IRAK2: variants seen among roughly 807,000 people sequenced by gnomAD.
The protein encoded by IRAK2 is interleukin 1 receptor associated kinase 2.
IRAK2 carries 57 observed loss-of-function variants against 72.0 expected under a neutral mutation model. The ratio of observed to expected loss-of-function variants is 0.79; its 90% CI spans 0.64 to 0.99. IRAK2 has a LOEUF of 0.99. Ranked by LOEUF, IRAK2 falls within the 50% of genes least tolerant of loss-of-function variation. The pLI is 0.00. For missense variants in IRAK2, 790 were observed against 794.4 expected (o/e 0.99, Z 0.07); for synonymous variants, 293 against 312.7 (o/e 0.94, Z 0.67).
At chr3:10,199,342 C>T (rs1448459873) in intron 2 of IRAK2, among the ~76,000 whole-genome samples, 2 of 152,150 alleles carry the variant, frequency 1.3e-5, no homozygotes, top group East Asian at 1.9e-4. Context: ...GCCAGTCCTG[C>T]GTGCCTTTGG....
At chr3:10,221,475 G>C (rs752565786) in intron 8 of IRAK2, among the ~76,000 whole-genome samples, 1 of 151,046 alleles carries the variant, frequency 6.6e-6, no homozygotes, top group Non-Finnish European at 1.5e-5. Flanking sequence ...TGATGGTCTC[G>C]ATCTCCTGAC....
chr3:10,213,461 T>C lies in IRAK2; in HGVS notation c.724-23T>C, dbSNP rs112788063. On this transcript the variant is annotated intron_variant, in intron 5 of 12. Transcript: ENST00000256458. Reference sequence around the variant, plus strand: ...CTGCAGGGGTGGGGCGGGATCTTCATGTTCTGATGTCTTTCTCTACAGACA... The same window carrying C: ...CTGCAGGGGTGGGGCGGGATCTTCACGTTCTGATGTCTTTCTCTACAGACA... 106 of 1,613,654 alleles carry C rather than the reference T, an allele frequency of 6.6e-5. 2 individuals are homozygous for C. The African/African-American group carries it at 1.1e-3, about 17-fold the overall frequency.
At chr3:10,217,109 G>A (rs962282108) in intron 7 of IRAK2, 61 bp downstream of exon 7, 7 of 1,247,898 alleles carry the variant, frequency 5.6e-6, no homozygotes, top group Non-Finnish European at 8.3e-6. Flanking sequence ...TGGGGTCAAG[G>A]GTTAAGGACT....
At chr3:10,211,765 A>G (rs1049016659) in intron 4 of IRAK2, among the ~76,000 whole-genome samples, 3 of 152,032 alleles carry the variant, frequency 2.0e-5, no homozygotes, top group Admixed American at 6.6e-5. Context: ...AACTGTTAAG[A>G]GCATATGTAA....
intron 11 of IRAK2, among the ~76,000 whole-genome samples, chr3:10,236,710 C>G (rs1424029511): frequency 6.6e-6 from 1 of 151,992 alleles, no homozygotes; most frequent in African/African-American, 2.4e-5. Flanking sequence ...AGTTCTGTCT[C>G]CTTCAACCAA....
intron 1 of IRAK2, among the ~76,000 whole-genome samples, chr3:10,175,456 A>G (rs1269021999): frequency 6.6e-6 from 1 of 152,168 alleles, no homozygotes; most frequent in Non-Finnish European, 1.5e-5. Flanking sequence ...AAATAAGACC[A>G]GGATGCAGAA....
intron 3 of IRAK2, among the ~76,000 whole-genome samples, chr3:10,206,224 A>T (rs1446301758): frequency 6.6e-6 from 1 of 152,168 alleles, no homozygotes; most frequent in African/African-American, 2.4e-5. Flanking sequence ...GTTGGCCATC[A>T]CAGTCCTATC....
At position 10,177,820 on chromosome 3, in the gene IRAK2, T is replaced by C; in HGVS notation, c.95-18T>C. 6.2e-7 allele frequency: 1 copy of C among 1,608,950 alleles called. No individual in the cohort carries two copies. Among genetic ancestry groups the C allele is most frequent in the Non-Finnish European group, 8.5e-7 (1 of 1,179,502 alleles). ...CTGCCTCTCTGACTCTAAGCAGAGTTCTCTCCGTCCCTTCCAGCCTCCTAC... is the reference window on the plus strand; with the variant it reads ...CTGCCTCTCTGACTCTAAGCAGAGTCCTCTCCGTCCCTTCCAGCCTCCTAC... On this transcript the variant is annotated intron_variant, in intron 1 of 12. Transcript: ENST00000256458.
intron 2 of IRAK2, among the ~76,000 whole-genome samples, chr3:10,193,472 A>T (rs1391172790): frequency 1.3e-5 from 2 of 151,350 alleles, no homozygotes; most frequent in Non-Finnish European, 2.9e-5. Context: ...ACAAAAACAA[A>T]ATTAGCCTGG....
chr3:10,219,857 C>A, intron 8 of IRAK2, 68 bp downstream of exon 8: 1 of 1,052,632 alleles, frequency 9.5e-7, no homozygotes, highest in Non-Finnish European at 1.5e-6. Context: ...CTATTCCTGG[C>A]TCACCTCCCG....
chr3:10,187,654 C>T (rs1559442179), intron 2 of IRAK2, among the ~76,000 whole-genome samples: 3 of 152,198 alleles, frequency 2.0e-5, no homozygotes, highest in Non-Finnish European at 4.4e-5. Flanking sequence ...CAATGCATAC[C>T]AACTGTGAAG....
intron 2 of IRAK2, among the ~76,000 whole-genome samples, chr3:10,181,633 A>G (rs1041740225): frequency 6.6e-6 from 1 of 152,120 alleles, no homozygotes; most frequent in African/African-American, 2.4e-5. Flanking sequence ...GAACTAGGGA[A>G]GGCCATGAAG....
Position 10,222,745 on chromosome 3 carries a change from C to T in IRAK2, c.1123C>T (p.Leu375Phe), listed in dbSNP as rs764214169. The T allele has an allele frequency of 6.2e-6, 10 of 1,614,220 alleles. No homozygotes were observed. The highest frequency in any genetic ancestry group is 2.2e-5 in the South Asian group (2 of 91,086). The change falls in exon 9 of 13, where the codon CTC becomes TTC. Residue 375 changes from leucine (L) to phenylalanine (F), a missense_variant. Leu to Phe is a conservative substitution (Grantham distance 22, BLOSUM62 0). Coordinates refer to ENST00000256458, the MANE Select transcript of IRAK2 (RefSeq NM_001570.4). ...SKYTMMKTHL[L>F]RTSAAYLPED... ...ATACACCATGATGAAGACTCACCTGCTCCGGACGTCAGCCGCGTATCTGCC... is the reference window on the plus strand; with the variant it reads ...ATACACCATGATGAAGACTCACCTGTTCCGGACGTCAGCCGCGTATCTGCC...
chr3:10,176,121 C>A (rs1696872295), intron 1 of IRAK2, among the ~76,000 whole-genome samples: 1 of 137,962 alleles, frequency 7.2e-6, no homozygotes, highest in South Asian at 2.3e-4. Context: ...TGGTAAAACA[C>A]CAAAAGAAAG....
At chr3:10,203,113 C>T (rs1156612753) in intron 3 of IRAK2, among the ~76,000 whole-genome samples, 2 of 152,172 alleles carry the variant, frequency 1.3e-5, no homozygotes, top group African/African-American at 4.8e-5. Context: ...CCTGCTGCCT[C>T]AGCCTCCTGA....
intron 2 of IRAK2, among the ~76,000 whole-genome samples, chr3:10,186,438 GT>G (rs1217038112): frequency 6.6e-6 from 1 of 151,698 alleles, no homozygotes; most frequent in African/African-American, 2.4e-5. Flanking sequence ...GCCCTGAAGT[GT>G]TTGGTCTGTT....
chr3:10,177,756 C>T, intron 1 of IRAK2, 82 bp from the exon 2 acceptor site: 1 of 1,400,658 alleles, frequency 7.1e-7, no homozygotes, highest in Admixed American at 1.7e-5. Flanking sequence ...CCTGGAAAAG[C>T]CCAGCTAGGG....
intron 10 of IRAK2, among the ~76,000 whole-genome samples, chr3:10,229,898 C>T (rs1324745874): frequency 6.6e-6 from 1 of 152,066 alleles, no homozygotes; most frequent in Non-Finnish European, 1.5e-5. Flanking sequence ...TTCAGGAGTT[C>T]AAGACCAGCC....
In IRAK2 at chr3:10,177,885, A is replaced by G. The variant is rs1696901500; in HGVS notation, c.142A>G (p.Met48Val). ...GACCCAGCTGCGGAAGATCAAGTCC[A>G]TGGAGCGGGTGCAGGGTGTGAGCAT... ...DLTQLRKIKSMERVQGVSITR... is the reference protein window; with the variant it reads ...DLTQLRKIKSVERVQGVSITR... The change falls in exon 2 of 13, where the codon ATG becomes GTG. Residue 48 changes from methionine to valine, a missense_variant. Coordinates refer to ENST00000256458, the MANE Select transcript of IRAK2 (RefSeq NM_001570.4). 6.2e-7 allele frequency: 1 copy of G among 1,613,834 alleles called. No individual in the cohort carries two copies. The highest frequency in any genetic ancestry group is 8.5e-7 in the Non-Finnish European group (1 of 1,180,024).
Sources: allele counts gnomAD v4.1 joint callset (sites outside exome capture counted in the v4.1 genomes callset), GRCh38; gene constraint gnomAD v4.1.1; transcripts MANE v1.5; gene names NCBI Gene and HGNC (gene_info 2026-07-23, HGNC 2026-07-21).